The following COL21A1 variants were observed in gnomAD, a reference collection of about 807,000 sequenced individuals.
COL21A1 encodes the protein collagen alpha-1(XXI) chain.
In COL21A1, 149 loss-of-function variants were observed where a neutral mutation model predicts 137.9. That is an observed-to-expected ratio of 1.08 (90% confidence interval 0.95 to 1.24). The LOEUF is 1.24. Ranked by LOEUF, COL21A1 falls within the 50% of genes most tolerant of loss-of-function variation. COL21A1 has a pLI of 0.00. For missense variants in COL21A1, 1,167 were observed against 1,158.4 expected, an observed-to-expected ratio of 1.01 and a Z score of -0.11; for synonymous variants, 456 against 391.5, an observed-to-expected ratio of 1.16 and a Z score of -1.95.
chr6:56,239,211 CTAAT>C (rs2152323503), intron 1 of COL21A1, among the ~76,000 whole-genome samples: 1 of 152,290 alleles, frequency 6.6e-6, no homozygotes, highest in African/African-American at 2.4e-5. Context: ...ATTACCATCT[CTAAT>C]TAGTGTCTAA....
chr6:56,108,283 T>A (rs137874570), intron 16 of COL21A1, among the ~76,000 whole-genome samples: 3 of 151,876 alleles, frequency 2.0e-5, no homozygotes, highest in African/African-American at 7.2e-5. Flanking sequence ...TGGGTGAAAA[T>A]AGACTTAATC....
At chr6:56,098,539 A>G (rs1582342025) in intron 17 of COL21A1, among the ~76,000 whole-genome samples, 1 of 29,060 alleles carries the variant, frequency 3.4e-5, no homozygotes, top group Non-Finnish European at 5.4e-5. Context: ...ATATATATAT[A>G]AATATATAAA....
At chr6:56,106,476 C>G (rs1770904756) in intron 16 of COL21A1, among the ~76,000 whole-genome samples, 1 of 152,278 alleles carries the variant, frequency 6.6e-6, no homozygotes, top group African/African-American at 2.4e-5. Context: ...TCCTCCACAT[C>G]CCCAGCAGAA....
chr6:56,087,162 T>A, intron 17 of COL21A1, among the ~76,000 whole-genome samples: 1 of 152,242 alleles, frequency 6.6e-6, no homozygotes, highest in East Asian at 1.9e-4. Context: ...TGTCATAAGA[T>A]CATGTACAAC....
At chr6:56,131,565 C>A (rs1269425444) in intron 12 of COL21A1, among the ~76,000 whole-genome samples, 1 of 151,956 alleles carries the variant, frequency 6.6e-6, no homozygotes, top group African/African-American at 2.4e-5. Context: ...CCTTAAAAAT[C>A]TCTGAGTCCA....
chr6:56,297,908 T>C (rs985900650), intron 1 of COL21A1, among the ~76,000 whole-genome samples: 11 of 152,038 alleles, frequency 7.2e-5, no homozygotes, highest in African/African-American at 1.7e-4. Context: ...GGGGCCTCAA[T>C]TCTGCACTGT....
chr6:56,373,753 A>T lies in COL21A1; in HGVS notation c.-39+20218T>A, dbSNP rs867534538. The stretch of plus-strand genomic sequence containing the variant: ...CTCACATACTTTTTTTGTACTGAAA[A>T]CACTTCAAATCTACTGTCTTAGCAA... On this transcript the variant is annotated intron_variant, in intron 1 of 28. Transcript: ENST00000370819. Among the ~76,000 whole-genome samples the T allele has an allele frequency of 7.2e-5, 11 of 152,188 alleles. No homozygotes were observed. The South Asian group carries it at 2.3e-3, about 32-fold the overall frequency.
intron 10 of COL21A1, among the ~76,000 whole-genome samples, chr6:56,143,321 C>A (rs1774573971): frequency 6.6e-6 from 1 of 151,598 alleles, no homozygotes; most frequent in South Asian, 2.1e-4. Context: ...CTGCCTCAGC[C>A]TCCCTTGTAG....
intron 12 of COL21A1, among the ~76,000 whole-genome samples, chr6:56,138,495 G>T (rs1774169199): frequency 6.6e-6 from 1 of 151,942 alleles, no homozygotes; most frequent in Non-Finnish European, 1.5e-5. Context: ...ACATGAAAAG[G>T]TAACTAGTGG....
intron 1 of COL21A1, among the ~76,000 whole-genome samples, chr6:56,275,228 G>C (rs1223070573): frequency 6.6e-6 from 1 of 152,102 alleles, no homozygotes; most frequent in Non-Finnish European, 1.5e-5. Context: ...ATAGATTAAA[G>C]ATTTAAATAT....
rs141062648 is a variant in COL21A1 at position 56,134,684 on chromosome 6, T to C, written c.1542+7101A>G. ...GTGGGAGGAACCCAACGGGAGGCAA[T>C]TGAATCATGGGGTGGGTCTTTCCTG... On this transcript the variant is annotated intron_variant, in intron 12 of 29. Transcript: ENST00000244728. Among the ~76,000 whole-genome samples, 589 of 152,290 alleles carry C rather than the reference T, an allele frequency of 3.9e-3. 2 individuals are homozygous for C. The highest frequency in any genetic ancestry group is 0.01 in the Middle Eastern group (3 of 294).
chr6:56,134,675 G>A (rs765380413), intron 12 of COL21A1, among the ~76,000 whole-genome samples: 36 of 152,206 alleles, frequency 2.4e-4, no homozygotes, highest in South Asian at 6.2e-4. Context: ...GGAACCCAAC[G>A]GGAGGCAATT....
chr6:56,209,800 C>A (rs1278859102), intron 1 of COL21A1, among the ~76,000 whole-genome samples: 1 of 152,162 alleles, frequency 6.6e-6, no homozygotes, highest in African/African-American at 2.4e-5. Flanking sequence ...GATTATAAAT[C>A]ATTCTACTAT....
intron 1 of COL21A1, among the ~76,000 whole-genome samples, chr6:56,375,138 A>G (rs1486676452): frequency 6.6e-6 from 1 of 152,200 alleles, no homozygotes; most frequent in Non-Finnish European, 1.5e-5. Flanking sequence ...GGGGAAAAAG[A>G]GAAAGAATGT....
chr6:56,347,597 A>G (rs564121859), intron 1 of COL21A1, among the ~76,000 whole-genome samples: 1 of 152,232 alleles, frequency 6.6e-6, no homozygotes, highest in East Asian at 1.9e-4. Context: ...AGTCTCTAGA[A>G]GTAAGGCCTG....
intron 1 of COL21A1, among the ~76,000 whole-genome samples, chr6:56,252,966 A>G (rs1782886596): frequency 6.6e-6 from 1 of 152,352 alleles, no homozygotes; most frequent in South Asian, 2.1e-4. Flanking sequence ...TTGATGGATA[A>G]ATCGAAGAGC....
intron 17 of COL21A1, among the ~76,000 whole-genome samples, chr6:56,097,664 C>T (rs1235903572): frequency 6.7e-6 from 1 of 148,338 alleles, no homozygotes; most frequent in Non-Finnish European, 1.5e-5. Context: ...AAAACAAACC[C>T]AAATCAGTGT....
intron 29 of COL21A1, 66 bp from the exon 30 acceptor site, chr6:56,057,910 C>A: frequency 1.9e-6 from 2 of 1,071,366 alleles, no homozygotes; most frequent in Non-Finnish European, 1.3e-6. Context: ...ATAGCCAATT[C>A]TGCAAGAAAC....
chr6:56,167,131 A>C, intron 6 of COL21A1, 148 bp from the exon 7 acceptor site: 1 of 631,054 alleles, frequency 1.6e-6, no homozygotes. Context: ...AAAATACAAA[A>C]TTTTAATACT....
Sources: gnomAD v4.1 joint callset for allele counts (sites outside exome capture counted in the v4.1 genomes callset) on GRCh38, gnomAD v4.1.1 for gene constraint, MANE v1.5 for transcripts, NCBI Gene and HGNC (gene_info 2026-07-23, HGNC 2026-07-21) for gene names.